PNPLA6: variants seen among roughly 807,000 people sequenced by gnomAD.
The protein encoded by PNPLA6 is patatin like domain 6, lysophospholipase.
Under a neutral mutation model 153.7 loss-of-function variants are expected in PNPLA6, and 105 were observed. That is an observed-to-expected ratio of 0.68 (90% CI 0.58 to 0.80). The LOEUF (loss-of-function observed/expected upper bound fraction) is 0.80, where lower values mean the gene tolerates loss of function less well. Ranked by LOEUF, PNPLA6 falls within the 30% of genes least tolerant of loss-of-function variation. PNPLA6 has a pLI of 0.00. For synonymous variants in PNPLA6, 825 were observed against 822.2 expected (o/e 1.00, Z -0.06); for missense variants, 1,423 against 1,919.3 (o/e 0.74, Z 4.83).
intron 10 of PNPLA6, 86 bp from the exon 11 acceptor site, chr19:7,542,475 C>T: frequency 1.0e-6 from 1 of 999,046 alleles, no homozygotes; most frequent in Non-Finnish European, 1.6e-6. Flanking sequence ...GCTGGAACTA[C>T]AGGCCTGCAC....
rs758612343 is a variant in PNPLA6, at chr19:7,561,240, G to A, written c.3946G>A (p.Glu1316Lys). The part of the protein sequence containing the change: ...EESDCLTEYE[E>K]DAGPDCSRDE... ...GTCAGATTGTCTGACAGAGTATGAG[G>A]AGGACGCCGGACCCGACTGCTCGAG... Residue 1316 changes from glutamate to lysine, a missense_variant, in exon 31 of 32, where the codon GAG becomes AAG. This residue lies in a region of PNPLA6 where 643 missense variants were observed against 835.2 expected (regional missense o/e 0.77). Transcript: ENST00000600737. 10 of 1,610,676 alleles carry A rather than the reference G, an allele frequency of 6.2e-6. No homozygotes were observed. Among genetic ancestry groups the A allele is most frequent in the Non-Finnish European group, 8.5e-6 (10 of 1,179,110 alleles).
In PNPLA6 at chr19:7,561,519, GCTGT is replaced by G; in HGVS notation, c.4059_4062del (p.Leu1354ProfsTer45). ...GAGAAGTCGATTCTCCGGCAACGAC[GCTGT>G]CTGCCCCAGGAGCCGCCCGGCTCAG... On this transcript the variant is annotated frameshift_variant, in exon 32 of 32. Coordinates refer to ENST00000600737, the MANE Select transcript of PNPLA6 (RefSeq NM_001166114.2). LOFTEE classifies it low-confidence loss of function (END_TRUNC). 1 of 1,608,826 alleles carries G rather than the reference GCTGT, an allele frequency of 6.2e-7. No homozygotes were observed. The highest frequency in any genetic ancestry group is 8.5e-7 in the Non-Finnish European group (1 of 1,178,340).
In PNPLA6 at chr19:7,560,612, G is replaced by A. The variant is rs375585067; in HGVS notation, c.3700-36G>A. On this transcript the variant is annotated intron_variant, in intron 28 of 31. Transcript: ENST00000600737. The stretch of plus-strand genomic sequence containing the variant: ...ACAGAGTGGGGACAAGCAAAGCAGG[G>A]TTGCAGACATGGACCCAGCCCCTCA... 4.1e-5 allele frequency: 57 copies of A among 1,389,396 alleles called. No individual in the cohort carries two copies. The African/African-American group carries it at 6.5e-4, about 16-fold the overall frequency. The allele number at this position is 1,389,396 out of a possible 1,614,324, so 86.1% of individuals were successfully genotyped here.
intron 21 of PNPLA6, 38 bp from the exon 22 acceptor site, chr19:7,554,855 T>G: frequency 6.4e-7 from 1 of 1,569,206 alleles, no homozygotes; most frequent in South Asian, 1.1e-5. Flanking sequence ...CAGGTGGTGG[T>G]GGGGCGGCTG....
At chr19:7,560,847 G>A (rs1204803193) in intron 29 of PNPLA6, 83 bp downstream of exon 29, 3 of 974,786 alleles carry the variant, frequency 3.1e-6, no homozygotes, top group Non-Finnish European at 3.3e-6. Context: ...CGAAACCTCA[G>A]ATGACCCCAC....
At chr19:7,553,360 TCC>T (rs1406080290) in intron 18 of PNPLA6, among the ~76,000 whole-genome samples, 11 of 152,228 alleles carry the variant, frequency 7.2e-5, no homozygotes, top group African/African-American at 2.7e-4. Flanking sequence ...CAAGTGATTC[TCC>T]TGCCTCAGCC....
In PNPLA6 at chr19:7,540,998, G is replaced by A. The variant is rs764890160; in HGVS notation, c.871G>A (p.Ala291Thr). The A allele has an allele frequency of 1.9e-6, 3 of 1,611,534 alleles. No individual in the cohort carries two copies. The Admixed American group carries it at 5.0e-5, about 27-fold the overall frequency. Residue 291 changes from alanine (A) to threonine (T), a missense_variant, in exon 7 of 32, where the codon GCA (alanine) becomes ACA (threonine). Ala to Thr is a moderately conservative substitution (Grantham distance 58, BLOSUM62 0). Transcript: ENST00000600737. This position sits in a 1 kb window ranked among gnomAD's most constrained non-coding sequence, Gnocchi z 6.8. ...DSTVLRLPVEAFSAVFTKYPE... is the reference protein window; with the variant it reads ...DSTVLRLPVETFSAVFTKYPE... ...CACGGTGCTGCGCCTGCCGGTGGAA[G>A]CATTCTCCGCGGTCTTCACCAAGTA...
chr19:7,535,032 G>C (rs2022777466), upstream of PNPLA6: 1 of 168,152 alleles, frequency 5.9e-6, no homozygotes, highest in East Asian at 1.6e-4. This position sits in a 1 kb window ranked among gnomAD's most constrained non-coding sequence, Gnocchi z 5.0. Context: ...CCCACGGTTT[G>C]CGGGCCCGTT....
At position 7,541,128 on chromosome 19, in the gene PNPLA6, C is replaced by T; in HGVS notation, c.924+77C>T. On this transcript the variant is annotated intron_variant, in intron 7 of 31. Coordinates refer to ENST00000600737, the MANE Select transcript of PNPLA6 (RefSeq NM_001166114.2). This position sits in a 1 kb window ranked among gnomAD's most constrained non-coding sequence, Gnocchi z 5.2. ...CCACCCATTCCAGGCTCCAAGGGAC[C>T]GAGGCCCAGCAGCCAGCAGGCGCTG... The T allele has an allele frequency of 6.6e-7, 1 of 1,511,524 alleles. No individual in the cohort carries two copies. The highest frequency in any genetic ancestry group is 9.0e-7 in the Non-Finnish European group (1 of 1,106,340). 93.6% of individuals were successfully genotyped at this position (1,511,524 alleles called of 1,614,324 possible).
rs1218099805 is a variant in PNPLA6 at position 7,555,039 on chromosome 19, G to A, written c.2781G>A (p.Pro927=). 1 of 1,593,536 alleles carries A rather than the reference G, an allele frequency of 6.3e-7. No homozygotes were observed. Among genetic ancestry groups the A allele is most frequent in the Non-Finnish European group, 8.5e-7 (1 of 1,178,292 alleles). Residue 927 remains proline (P), a synonymous_variant, in exon 22 of 32, where the codon CCG becomes CCA. Coordinates refer to ENST00000600737, the MANE Select transcript of PNPLA6 (RefSeq NM_001166114.2). The surrounding 1 kb of genome is among the most constrained non-coding windows in gnomAD (Gnocchi z 6.3). Reference sequence around the variant, plus strand: ...CGGGGCACCTGCACCTGCGCTGTCCGCGCCGCCTCTTTTCGCGCCGCAGCC... The same window carrying A: ...CGGGGCACCTGCACCTGCGCTGTCCACGCCGCCTCTTTTCGCGCCGCAGCC... ...WCSGHLHLRC[P]RRLFSRRSPA...
At position 7,553,952 on chromosome 19, in the gene PNPLA6, G is replaced by A; in HGVS notation, c.2338G>A (p.Val780Met). The part of the protein sequence containing the change: ...SNLATVAILP[V>M]CAEVPMVAFT... ...CCTGGCAACTGTGGCAATCCTGCCT[G>A]TGTGTGCTGAGGTCCCCATGGTGGC... Residue 780 changes from valine (V) to methionine (M), a missense_variant, in exon 19 of 32, where the codon GTG (valine) becomes ATG (methionine). By Grantham distance (21) the Val-to-Met change is conservative. Coordinates refer to ENST00000600737, the MANE Select transcript of PNPLA6 (RefSeq NM_001166114.2). 1 of 1,614,196 alleles carries A rather than the reference G, an allele frequency of 6.2e-7. No homozygotes were observed.
chr19:7,556,709 C>A lies in PNPLA6; in HGVS notation c.3265C>A (p.Arg1089=), dbSNP rs562113164. Residue 1089 remains arginine, a synonymous_variant, in exon 26 of 32, where the codon CGA becomes AGA. Coordinates refer to ENST00000600737, the MANE Select transcript of PNPLA6 (RefSeq NM_001166114.2). ...CACAGATATCACCGCCTCAGCCATG[C>A]GAGTCCACAAAGATGGTGGGTGTCC... ...VTTDITASAM[R]VHKDGSLWRY... is the part of the protein sequence containing the mutation. 5 of 1,612,960 alleles carry A rather than the reference C, an allele frequency of 3.1e-6. No homozygotes were observed. Among genetic ancestry groups the A allele is most frequent in the Non-Finnish European group, 4.2e-6 (5 of 1,179,078 alleles).
intron 26 of PNPLA6, 36 bp from the exon 27 acceptor site, chr19:7,557,132 C>A: frequency 6.8e-7 from 1 of 1,467,258 alleles, no homozygotes; most frequent in Non-Finnish European, 9.5e-7. Flanking sequence ...CTGAGCGTGT[C>A]TGTGCGTGTT....
intron 13 of PNPLA6, among the ~76,000 whole-genome samples, chr19:7,543,907 G>A (rs937569702): frequency 5.3e-5 from 8 of 150,716 alleles, no homozygotes; most frequent in African/African-American, 9.8e-5. Context: ...TCCGCCTCCC[G>A]GGTTCACGCC....
rs1196328678 is a variant in PNPLA6, at chr19:7,554,588, C to T, written c.2499C>T (p.Ala833=). The part of the protein sequence containing the change: ...IQEFRLSGWL[A]QQEDAHRIVL... ...AGTTCCGGCTGTCAGGGTGGCTGGC[C>T]CAGCAGGAGGATGCACACCGTATCG... The change falls in exon 21 of 32, where the codon GCC becomes GCT. Residue 833 remains alanine (A), a synonymous_variant. Transcript: ENST00000600737. The T allele has an allele frequency of 7.4e-6, 12 of 1,614,058 alleles. No individual in the cohort carries two copies. The highest frequency in any genetic ancestry group is 1.0e-5 in the Non-Finnish European group (12 of 1,179,996).
rs749490301 is a variant in PNPLA6 at position 7,555,653 on chromosome 19, G to A, written c.2983G>A (p.Val995Ile). The change falls in exon 24 of 32, where the codon GTC becomes ATC. Residue 995 changes from valine (V) to isoleucine (I), a missense_variant. Val to Ile is a conservative substitution (Grantham distance 29). Around this residue, in one of 10 missense-constraint regions of PNPLA6, gnomAD observed 643 missense variants for 835.2 expected, o/e 0.77. Coordinates refer to ENST00000600737, the MANE Select transcript of PNPLA6 (RefSeq NM_001166114.2). The surrounding 1 kb of genome is among the most constrained non-coding windows in gnomAD (Gnocchi z 6.3). Reference sequence around the variant, plus strand: ...ACTAAAGGCATTAGAGGAGGCGGGGGTCCCCGTGGACCTGGTGGGCGGCAC... The same window carrying A: ...ACTAAAGGCATTAGAGGAGGCGGGGATCCCCGTGGACCTGGTGGGCGGCAC... ...GVLKALEEAGVPVDLVGGTSI... is the reference protein window; with the variant it reads ...GVLKALEEAGIPVDLVGGTSI... 1 of 1,613,082 alleles carries A rather than the reference G, an allele frequency of 6.2e-7. No individual in the cohort carries two copies. Among genetic ancestry groups the A allele is most frequent in the Non-Finnish European group, 8.5e-7 (1 of 1,179,852 alleles).
At chr19:7,549,202 T>C (rs1198274682) in intron 13 of PNPLA6, among the ~76,000 whole-genome samples, 1 of 150,242 alleles carries the variant, frequency 6.7e-6, no homozygotes, top group African/African-American at 2.4e-5. Context: ...TTTTTTTTTT[T>C]TTGAGACGGA....
intron 13 of PNPLA6, among the ~76,000 whole-genome samples, chr19:7,547,805 T>A (rs1448834160): frequency 2.2e-5 from 1 of 45,268 alleles, no homozygotes; most frequent in Non-Finnish European, 4.1e-5. Flanking sequence ...GCCTGGCTAA[T>A]TAAAAATTTT....
chr19:7,559,702 G>A (rs537979384), intron 28 of PNPLA6, among the ~76,000 whole-genome samples: 302 of 152,138 alleles, frequency 2.0e-3, no homozygotes, highest in Non-Finnish European at 2.7e-3. Context: ...AAATTAGCTG[G>A]GTGTGGTTGT....
Sources: gnomAD v4.1 joint callset for allele counts (sites outside exome capture counted in the v4.1 genomes callset) on GRCh38, gnomAD v4.1.1 for gene constraint, gnomAD v4.1.1 regional missense constraint, Gnocchi (gnomAD v3.1) non-coding constraint, MANE v1.5 for transcripts, NCBI Gene and HGNC (gene_info 2026-07-23, HGNC 2026-07-21) for gene names.